Variants in PTPRO observed in about 807,000 individuals in gnomAD.
The protein encoded by PTPRO is protein tyrosine phosphatase receptor type O.
A neutral mutation model predicts 145.2 loss-of-function variants in PTPRO; 62 were observed. That is an observed-to-expected ratio of 0.43 (90% CI 0.35 to 0.53). The LOEUF is 0.53. Among genes scored for constraint, PTPRO ranks in the 20% least tolerant of loss-of-function variants. The pLI is 0.01. For missense variants in PTPRO, 1,345 were observed against 1,482.7 expected, an observed-to-expected ratio of 0.91 and a Z score of 1.53; for synonymous variants, 565 against 514.7, an observed-to-expected ratio of 1.10 and a Z score of -1.32.
chr12:15,576,074 T>C (rs1358954480), intron 19 of PTPRO, among the ~76,000 whole-genome samples: 1 of 152,176 alleles, frequency 6.6e-6, no homozygotes, highest in Non-Finnish European at 1.5e-5. Flanking sequence ...GGGTGATAAA[T>C]TATATTTAGA....
At chr12:15,404,525 A>G (rs1336328770) in intron 1 of PTPRO, among the ~76,000 whole-genome samples, 1 of 152,164 alleles carries the variant, frequency 6.6e-6, no homozygotes, top group East Asian at 1.9e-4. Context: ...CTTGTGTATT[A>G]AAAATGTCTC....
intron 1 of PTPRO, among the ~76,000 whole-genome samples, chr12:15,478,695 A>G (rs1425174802): frequency 7.9e-5 from 12 of 151,974 alleles, no homozygotes; most frequent in Admixed American, 2.0e-4. Flanking sequence ...TCTTTGAGAC[A>G]GAGTCTCTCT....
chr12:15,327,852 G>T (rs187370660), intron 1 of PTPRO, among the ~76,000 whole-genome samples: 1 of 152,102 alleles, frequency 6.6e-6, no homozygotes, highest in East Asian at 1.9e-4. Context: ...GGTGGCTCAC[G>T]CCTGTAATCC....
At chr12:15,529,429 A>T (rs1190606151) in intron 12 of PTPRO, among the ~76,000 whole-genome samples, 2 of 151,396 alleles carry the variant, frequency 1.3e-5, no homozygotes, top group African/African-American at 4.9e-5. Context: ...AAGGTTGGTG[A>T]ATCGCTTGAG....
chr12:15,335,473 G>A (rs1264352895), intron 1 of PTPRO, among the ~76,000 whole-genome samples: 1 of 152,008 alleles, frequency 6.6e-6, no homozygotes, highest in Non-Finnish European at 1.5e-5. Context: ...ATTCTGCATT[G>A]CCATGGGGGA....
chr12:15,567,816 G>A (rs1295319088), intron 18 of PTPRO, among the ~76,000 whole-genome samples: 2 of 152,138 alleles, frequency 1.3e-5, no homozygotes, highest in African/African-American at 4.8e-5. Context: ...CTACTGCTTA[G>A]TAGACATGTG....
At chr12:15,483,127 C>A (rs1324735516) in intron 1 of PTPRO, among the ~76,000 whole-genome samples, 1 of 152,084 alleles carries the variant, frequency 6.6e-6, no homozygotes, top group Non-Finnish European at 1.5e-5. Flanking sequence ...AACTTACTCA[C>A]CCGGGACACT....
At chr12:15,439,228 G>C (rs1221035370) in intron 1 of PTPRO, among the ~76,000 whole-genome samples, 1 of 152,176 alleles carries the variant, frequency 6.6e-6, no homozygotes, top group African/African-American at 2.4e-5. Flanking sequence ...AGTCCTAGGG[G>C]AATTCATTAC....
At chr12:15,372,698 GGAGTGGAGGTACAT>G (rs1938566084) in intron 1 of PTPRO, among the ~76,000 whole-genome samples, 1 of 152,090 alleles carries the variant, frequency 6.6e-6, no homozygotes, top group Admixed American at 6.6e-5. Context: ...TGTTGTGGGT[GGAGTGGAGGTACAT>G]GAGGATACAC....
chr12:15,422,579 T>C (rs1940176434), intron 1 of PTPRO, among the ~76,000 whole-genome samples: 1 of 152,110 alleles, frequency 6.6e-6, no homozygotes, highest in African/African-American at 2.4e-5. Context: ...CTCCAGATAG[T>C]AGGGTTCTCA....
intron 1 of PTPRO, among the ~76,000 whole-genome samples, chr12:15,464,886 A>G (rs1941384003): frequency 6.6e-6 from 1 of 152,190 alleles, no homozygotes; most frequent in Non-Finnish European, 1.5e-5. Flanking sequence ...TTGTCATTAG[A>G]ACTTGTACCA....
At chr12:15,375,760 C>CAAAA (rs529757376) in intron 1 of PTPRO, among the ~76,000 whole-genome samples, 18 of 84,612 alleles carry the variant, frequency 2.1e-4, no homozygotes, top group African/African-American at 7.2e-4. Context: ...TGTCCCCCAC[C>CAAAA]AAAAAAAAAA....
At chr12:15,374,605 G>C (rs1444432789) in intron 1 of PTPRO, among the ~76,000 whole-genome samples, 1 of 152,066 alleles carries the variant, frequency 6.6e-6, no homozygotes, top group East Asian at 1.9e-4. Context: ...AATCTGTCTT[G>C]AAGCTCTCTG....
intron 1 of PTPRO, among the ~76,000 whole-genome samples, chr12:15,445,467 C>T (rs999394617): frequency 1.3e-5 from 2 of 152,004 alleles, no homozygotes; most frequent in Non-Finnish European, 2.9e-5. Flanking sequence ...GCACAGGAAA[C>T]ATTTATTGTA....
chr12:15,386,841 A>G (rs1350143297), intron 1 of PTPRO, among the ~76,000 whole-genome samples: 2 of 152,146 alleles, frequency 1.3e-5, no homozygotes. Context: ...GCACTCGTCT[A>G]TATCTTCCCA....
chr12:15,503,210 A>G (rs905157864), intron 5 of PTPRO, among the ~76,000 whole-genome samples: 12 of 152,050 alleles, frequency 7.9e-5, no homozygotes, highest in African/African-American at 2.2e-4. Flanking sequence ...GCCTCTTCTC[A>G]TGAAGGTTCT....
Position 15,560,293 on chromosome 12 carries a change from T to A in PTPRO, c.2711+17T>A. 6.6e-7 allele frequency: 1 copy of A among 1,514,094 alleles called. No individual in the cohort carries two copies. 93.8% of individuals were successfully genotyped at this position (1,514,094 alleles called of 1,614,324 possible). On this transcript the variant is annotated intron_variant, in intron 17 of 26. Transcript: ENST00000281171. ...TAATCCTTGGTAAGTGATTTTTTTT[T>A]ACTGTTTAACACAAACTCTTTAAAA...
chr12:15,414,980 C>T (rs1035866797), intron 1 of PTPRO, among the ~76,000 whole-genome samples: 4 of 152,102 alleles, frequency 2.6e-5, no homozygotes, highest in Non-Finnish European at 1.5e-5. Flanking sequence ...CGTCTATGAA[C>T]CTCTTCAAGA....
Position 15,551,654 on chromosome 12 carries a change from G to C in PTPRO, c.2541G>C (p.Lys847Asn). Reference protein sequence around the residue: ...LLVTLIILRKKHLQMARECGA... With the variant: ...LLVTLIILRKNHLQMARECGA... ...TTACCCTCATTATTCTTAGGAAAAA[G>C]CATCTGCAGATGGCTAGGTAAGTTA... Residue 847 changes from lysine to asparagine, a missense_variant, in exon 15 of 27, where the codon AAG (lysine) becomes AAC (asparagine). By Grantham distance (94) the Lys-to-Asn change is moderately conservative. Coordinates refer to ENST00000281171, the MANE Select transcript of PTPRO (RefSeq NM_030667.3). The C allele has an allele frequency of 6.2e-7, 1 of 1,613,500 alleles. No homozygotes were observed. The highest frequency in any genetic ancestry group is 2.2e-5 in the East Asian group (1 of 44,826).
Sources: gnomAD v4.1 joint callset for allele counts (sites outside exome capture counted in the v4.1 genomes callset) on GRCh38, gnomAD v4.1.1 for gene constraint, MANE v1.5 for transcripts, NCBI Gene and HGNC (gene_info 2026-07-23, HGNC 2026-07-21) for gene names.